ARHGAP15: variants seen among roughly 807,000 people sequenced by gnomAD.
ARHGAP15 encodes Rho GTPase activating protein 15.
ARHGAP15 carries 51 observed loss-of-function variants against 63.7 expected under a neutral mutation model. The ratio of observed to expected loss-of-function variants is 0.80; its 90% CI spans 0.64 to 1.01. ARHGAP15 has a LOEUF of 1.01. Ranked by LOEUF, ARHGAP15 falls within the 50% of genes least tolerant of loss-of-function variation. The pLI is 0.00. For missense variants in ARHGAP15, 560 were observed against 564.6 expected (o/e 0.99, Z 0.08); for synonymous variants, 191 against 193.8 (o/e 0.99, Z 0.12).
At chr2:143,671,261 T>A (rs1366479279) in intron 12 of ARHGAP15, among the ~76,000 whole-genome samples, 1 of 152,130 alleles carries the variant, frequency 6.6e-6, no homozygotes, top group Non-Finnish European at 1.5e-5. Context: ...GTTTTTTTTT[T>A]ATATCGCTGG....
At chr2:143,571,372 C>A (rs1199168927) in intron 11 of ARHGAP15, among the ~76,000 whole-genome samples, 4 of 152,192 alleles carry the variant, frequency 2.6e-5, no homozygotes, top group Non-Finnish European at 4.4e-5. Context: ...CTCTAAAGCA[C>A]TTGAAATGCT....
chr2:143,722,305 T>C (rs949255562), intron 13 of ARHGAP15, among the ~76,000 whole-genome samples: 6 of 152,156 alleles, frequency 3.9e-5, no homozygotes, highest in South Asian at 2.1e-4. Context: ...AGTTTAAATA[T>C]ACATTTATCC....
chr2:143,517,538 C>A (rs1693876199), intron 9 of ARHGAP15, among the ~76,000 whole-genome samples: 1 of 152,132 alleles, frequency 6.6e-6, no homozygotes, highest in South Asian at 2.1e-4. Context: ...GTTTATTGAA[C>A]TTCTAGTATG....
At chr2:143,173,080 T>A (rs999804828) in intron 2 of ARHGAP15, among the ~76,000 whole-genome samples, 4 of 152,028 alleles carry the variant, frequency 2.6e-5, no homozygotes, top group African/African-American at 9.7e-5. Flanking sequence ...AAAAAATATA[T>A]ATACATACAC....
At chr2:143,574,224 T>C (rs543811489) in intron 11 of ARHGAP15, among the ~76,000 whole-genome samples, 1 of 152,230 alleles carries the variant, frequency 6.6e-6, no homozygotes, top group African/African-American at 2.4e-5. Flanking sequence ...CTAATCAGTG[T>C]GGTTTGCAAA....
At chr2:143,662,420 C>A (rs552025666) in intron 12 of ARHGAP15, among the ~76,000 whole-genome samples, 2 of 144,884 alleles carry the variant, frequency 1.4e-5, no homozygotes, top group African/African-American at 5.0e-5. Flanking sequence ...ATCTGTACAT[C>A]ACCATCATCA....
At chr2:143,134,900 G>A (rs1375399460) in intron 1 of ARHGAP15, among the ~76,000 whole-genome samples, 1 of 152,130 alleles carries the variant, frequency 6.6e-6, no homozygotes, top group African/African-American at 2.4e-5. Context: ...ACCTCCCAAA[G>A]TGCTGGGATT....
chr2:143,368,583 A>G (rs1264880956), intron 6 of ARHGAP15, among the ~76,000 whole-genome samples: 2 of 152,108 alleles, frequency 1.3e-5, no homozygotes, highest in African/African-American at 4.8e-5. Context: ...CAGCAACACC[A>G]CAGCCACTTA....
At chr2:143,325,948 T>G (rs1684230928) in intron 6 of ARHGAP15, among the ~76,000 whole-genome samples, 1 of 152,172 alleles carries the variant, frequency 6.6e-6, no homozygotes, top group Non-Finnish European at 1.5e-5. Context: ...TTGCCCACAC[T>G]GATCTTCATG....
At chr2:143,621,469 C>T (rs1273257258) in intron 11 of ARHGAP15, among the ~76,000 whole-genome samples, 1 of 152,076 alleles carries the variant, frequency 6.6e-6, no homozygotes, top group African/African-American at 2.4e-5. Flanking sequence ...AGTGGCCTTG[C>T]AAAATTTGCC....
At chr2:143,530,496 C>T (rs575282403) in intron 10 of ARHGAP15, among the ~76,000 whole-genome samples, 2 of 152,164 alleles carry the variant, frequency 1.3e-5, no homozygotes, top group Non-Finnish European at 2.9e-5. Flanking sequence ...CTTTTGAGAC[C>T]GACCAGTGTC....
intron 2 of ARHGAP15, among the ~76,000 whole-genome samples, chr2:143,197,484 C>A (rs1691926709): frequency 6.6e-6 from 1 of 151,786 alleles, no homozygotes. Flanking sequence ...TTTTGGTTGA[C>A]CCAAGTTTTC....
At chr2:143,341,340 T>C (rs917673588) in intron 6 of ARHGAP15, among the ~76,000 whole-genome samples, 3 of 152,152 alleles carry the variant, frequency 2.0e-5, no homozygotes, top group Admixed American at 6.6e-5. Context: ...TCCACTGCTG[T>C]TGTGAAAATA....
At position 143,354,989 on chromosome 2, in the gene ARHGAP15, G is replaced by C. The variant is rs772165720; in HGVS notation, c.475-80612G>C. On this transcript the variant is annotated intron_variant, in intron 6 of 13. Coordinates refer to ENST00000295095, the MANE Select transcript of ARHGAP15 (RefSeq NM_018460.4). ...TATGTGAACATTTTTCATTGTAAGCGTTTTTTAACATCCAACAGGGTAAAT... is the reference window on the plus strand; with the variant it reads ...TATGTGAACATTTTTCATTGTAAGCCTTTTTTAACATCCAACAGGGTAAAT... 4.1e-4 allele frequency among the ~76,000 whole-genome samples: 63 copies of C among 152,048 alleles called. 1 individual carries two copies. The highest frequency in any genetic ancestry group is 1.2e-4 in the Non-Finnish European group (8 of 68,008).
chr2:143,174,656 A>G (rs1410574081), intron 2 of ARHGAP15, among the ~76,000 whole-genome samples: 1 of 152,138 alleles, frequency 6.6e-6, no homozygotes, highest in African/African-American at 2.4e-5. Flanking sequence ...TGAGTTATGA[A>G]TTCAGTTGAA....
intron 11 of ARHGAP15, among the ~76,000 whole-genome samples, chr2:143,592,310 A>T (rs1182340108): frequency 6.6e-6 from 1 of 152,186 alleles, no homozygotes; most frequent in Non-Finnish European, 1.5e-5. Flanking sequence ...TTTGCCTATA[A>T]TGTATCTGGT....
At chr2:143,373,651 A>C (rs939653851) in intron 6 of ARHGAP15, among the ~76,000 whole-genome samples, 9 of 148,606 alleles carry the variant, frequency 6.1e-5, no homozygotes, top group Non-Finnish European at 7.5e-5. Flanking sequence ...AAAAAAAAAA[A>C]AAAAAAAAAC....
chr2:143,292,881 T>C (rs772871421), intron 6 of ARHGAP15, among the ~76,000 whole-genome samples: 9 of 152,034 alleles, frequency 5.9e-5, no homozygotes, highest in Non-Finnish European at 1.3e-4. Context: ...TTTCTAGAAA[T>C]ATATATCGAC....
intron 10 of ARHGAP15, among the ~76,000 whole-genome samples, chr2:143,521,274 AT>A (rs1198721148): frequency 6.6e-6 from 1 of 152,236 alleles, no homozygotes; most frequent in Admixed American, 6.5e-5. Flanking sequence ...CTATGGAAAT[AT>A]TCAGTAAAAA....
Sources: gnomAD v4.1 joint callset for allele counts (sites outside exome capture counted in the v4.1 genomes callset) on GRCh38, gnomAD v4.1.1 for gene constraint, MANE v1.5 for transcripts, NCBI Gene and HGNC (gene_info 2026-07-23, HGNC 2026-07-21) for gene names.